The following COL13A1 variants were observed in gnomAD, a reference collection of about 807,000 sequenced individuals.
COL13A1 encodes collagen alpha-1(XIII) chain.
COL13A1 carries 89 observed loss-of-function variants against 130.9 expected under a neutral mutation model. The observed-to-expected ratio is 0.68, with a 90% CI of 0.57 to 0.81. The LOEUF is 0.81. COL13A1 is among the 30% of genes least tolerant of loss of function. COL13A1 has a pLI of 0.00. For missense variants in COL13A1, 879 were observed against 934.6 expected (o/e 0.94, Z 0.78); for synonymous variants, 402 against 341.6 (o/e 1.18, Z -1.95).
At chr10:69,881,381 C>A (rs1335178099) in intron 7 of COL13A1, among the ~76,000 whole-genome samples, 38 of 152,174 alleles carry the variant, frequency 2.5e-4, no homozygotes, top group Admixed American at 2.4e-3. Flanking sequence ...GCCGGCTCCA[C>A]CTTCTGCACT....
chr10:69,858,718 C>T (rs889646183), intron 2 of COL13A1, among the ~76,000 whole-genome samples: 1 of 152,312 alleles, frequency 6.6e-6, no homozygotes, highest in African/African-American at 2.4e-5. Flanking sequence ...CTCAAAGGAA[C>T]TTGGAAGGGC....
chr10:69,956,856 C>A, intron 39 of COL13A1, 148 bp from the exon 40 acceptor site: 1 of 645,660 alleles, frequency 1.5e-6, no homozygotes. Context: ...AGGTTCTGAC[C>A]TGTAGTAGAG....
At chr10:69,888,387 C>T in intron 9 of COL13A1, 57 bp downstream of exon 9, 1 of 1,588,410 alleles carries the variant, frequency 6.3e-7, no homozygotes, top group Non-Finnish European at 8.6e-7. Flanking sequence ...ATCTCTTGGT[C>T]ATTCTGCAAG....
At chr10:69,837,020 G>A (rs571519146) in intron 2 of COL13A1, among the ~76,000 whole-genome samples, 5 of 152,292 alleles carry the variant, frequency 3.3e-5, no homozygotes, top group Admixed American at 1.3e-4. Context: ...CAGCTGTGCC[G>A]TGTGTTCCCG....
chr10:69,957,619 T>C (rs966027923), intron 40 of COL13A1, among the ~76,000 whole-genome samples: 2 of 152,238 alleles, frequency 1.3e-5, no homozygotes, highest in Non-Finnish European at 2.9e-5. Flanking sequence ...GCCTTGGCAT[T>C]TGCCATTGTT....
At chr10:69,858,161 G>A (rs906074227) in intron 2 of COL13A1, among the ~76,000 whole-genome samples, 1 of 148,914 alleles carries the variant, frequency 6.7e-6, no homozygotes, top group African/African-American at 2.5e-5. Flanking sequence ...CATGAGAAGA[G>A]CTCTTATTAG....
At chr10:69,912,963 T>TCTGTTCAC (rs2063539641) in intron 17 of COL13A1, among the ~76,000 whole-genome samples, 1 of 152,202 alleles carries the variant, frequency 6.6e-6, no homozygotes, top group Non-Finnish European at 1.5e-5. Flanking sequence ...ACAGAGGACC[T>TCTGTTCAC]ATCAATGCTG....
At chr10:69,821,488 A>G (rs1453065790) in intron 1 of COL13A1, among the ~76,000 whole-genome samples, 1 of 152,236 alleles carries the variant, frequency 6.6e-6, no homozygotes, top group Non-Finnish European at 1.5e-5. Flanking sequence ...CCTGGGTATC[A>G]GGTGCCATTC....
intron 10 of COL13A1, among the ~76,000 whole-genome samples, chr10:69,891,046 A>AT (rs1487459161): frequency 6.6e-6 from 1 of 151,830 alleles, no homozygotes; most frequent in Non-Finnish European, 1.5e-5. Context: ...CTTTTAATGC[A>AT]TTTTTTATGG....
intron 17 of COL13A1, among the ~76,000 whole-genome samples, chr10:69,916,228 C>G (rs1030192862): frequency 6.6e-6 from 1 of 152,210 alleles, no homozygotes; most frequent in African/African-American, 2.4e-5. Flanking sequence ...TGCAGCCTGG[C>G]CTGGCAGCCA....
At chr10:69,828,017 G>A (rs1298298850) in intron 2 of COL13A1, among the ~76,000 whole-genome samples, 1 of 152,200 alleles carries the variant, frequency 6.6e-6, no homozygotes, top group Non-Finnish European at 1.5e-5. Flanking sequence ...AGATTCAAGA[G>A]TTGATGGTTA....
intron 1 of COL13A1, among the ~76,000 whole-genome samples, chr10:69,804,838 A>AAAAAAAAAAAC: frequency 7.2e-6 from 1 of 138,758 alleles, no homozygotes; most frequent in Non-Finnish European, 1.6e-5. Flanking sequence ...AAAAAAAAAA[A>AAAAAAAAAAAC]AAAAGCTACA....
At chr10:69,954,570 T>A (rs1357221046) in intron 39 of COL13A1, among the ~76,000 whole-genome samples, 1 of 152,198 alleles carries the variant, frequency 6.6e-6, no homozygotes, top group Non-Finnish European at 1.5e-5. Context: ...AGGGCATGAT[T>A]ACAGAGTAGA....
chr10:69,911,266 G>A (rs566644285), intron 17 of COL13A1, among the ~76,000 whole-genome samples: 6 of 152,076 alleles, frequency 3.9e-5, no homozygotes, highest in African/African-American at 4.8e-5. Context: ...GCAAGGGCCC[G>A]TGTGGTGGAC....
At chr10:69,819,684 A>G (rs1845543131) in intron 1 of COL13A1, among the ~76,000 whole-genome samples, 1 of 152,196 alleles carries the variant, frequency 6.6e-6, no homozygotes. Context: ...CAACACTCCC[A>G]ACAGCTAAAC....
intron 12 of COL13A1, 27 bp downstream of exon 12, chr10:69,894,728 T>C (rs780556092): frequency 2.5e-6 from 4 of 1,613,492 alleles, no homozygotes; most frequent in Non-Finnish European, 3.4e-6. Flanking sequence ...TTTCCTAGAG[T>C]CTCCATCTCA....
At chr10:69,870,058 C>T (rs901098640) in intron 3 of COL13A1, among the ~76,000 whole-genome samples, 2 of 152,102 alleles carry the variant, frequency 1.3e-5, no homozygotes, top group African/African-American at 4.8e-5. Flanking sequence ...TGCTGTGTAA[C>T]CTTAGCAAGT....
chr10:69,904,865 A>C, intron 15 of COL13A1, 68 bp from the exon 16 acceptor site: 1 of 1,509,522 alleles, frequency 6.6e-7, no homozygotes, highest in African/African-American at 1.4e-5. Context: ...TACTGTAAGT[A>C]TGGCTAGCCC....
At position 69,802,632 on chromosome 10, in the gene COL13A1, C is replaced by T. The variant is rs1323593509; in HGVS notation, c.209C>T (p.Ala70Val). The T allele has an allele frequency of 6.2e-7, 1 of 1,613,412 alleles. No homozygotes were observed. The highest frequency in any genetic ancestry group is 1.7e-5 in the Admixed American group (1 of 60,022). ...LAHFRTAELQ[A>V]RVLRLEAERG... The stretch of plus-strand genomic sequence containing the variant: ...CACTTTCGGACGGCCGAGCTGCAGG[C>T]CCGGGTGCTGCGCCTGGAAGCGGAG... The change falls in exon 1 of 41, where the codon GCC becomes GTC. Residue 70 changes from alanine (A) to valine (V), a missense_variant. Coordinates refer to ENST00000645393, the MANE Select transcript of COL13A1 (RefSeq NM_001368882.1).
Sources: allele counts gnomAD v4.1 joint callset (sites outside exome capture counted in the v4.1 genomes callset), GRCh38; gene constraint gnomAD v4.1.1; transcripts MANE v1.5; gene names NCBI Gene and HGNC (gene_info 2026-07-23, HGNC 2026-07-21).